KCNK2: variants seen among roughly 807,000 people sequenced by gnomAD.
KCNK2 encodes the protein potassium two pore domain channel subfamily K member 2, also known as potassium channel subfamily K member 2.
KCNK2 carries 21 observed loss-of-function variants against 40.5 expected under a neutral mutation model. The observed-to-expected ratio is 0.52, with a 90% CI of 0.37 to 0.75. KCNK2 has a LOEUF of 0.75. KCNK2 is among the 30% of genes least tolerant of loss of function. The pLI, the probability that KCNK2 is intolerant of heterozygous loss-of-function variation, is 0.00. For synonymous variants in KCNK2, 191 were observed against 202.2 expected (o/e 0.94, Z 0.47); for missense variants, 399 against 531.6 (o/e 0.75, Z 2.45).
In KCNK2 at chr1:215,234,984, A is replaced by T; in HGVS notation, c.1120A>T (p.Asn374Tyr). The T allele has an allele frequency of 6.2e-7, 1 of 1,614,036 alleles. No individual in the cohort carries two copies. The highest frequency in any genetic ancestry group is 8.5e-7 in the Non-Finnish European group (1 of 1,179,988). Residue 374 changes from asparagine to tyrosine, a missense_variant, in exon 7 of 7, where the codon AAT becomes TAT. Asn to Tyr is a moderately radical substitution (Grantham distance 143). Around this residue, in one of 3 missense-constraint regions of KCNK2, gnomAD observed 103 missense variants for 124.3 expected, o/e 0.83. Coordinates refer to ENST00000444842, the MANE Select transcript of KCNK2 (RefSeq NM_001017425.3). ...CTCGGCAGAACTGGCTGGAAACCAC[A>T]ATCAGGAGCTGACTCCTTGTAGGAG... is the stretch of plus-strand genomic sequence containing the variant. ...KLSAELAGNH[N>Y]QELTPCRRTL...
At chr1:215,022,226 C>G (rs1656831051) in intron 1 of KCNK2, among the ~76,000 whole-genome samples, 1 of 151,990 alleles carries the variant, frequency 6.6e-6, no homozygotes, top group African/African-American at 2.4e-5. Context: ...GTTTCAAGGT[C>G]TTTTCCAAGT....
At chr1:215,126,288 G>C (rs1661434711) in intron 3 of KCNK2, among the ~76,000 whole-genome samples, 1 of 151,824 alleles carries the variant, frequency 6.6e-6, no homozygotes, top group Non-Finnish European at 1.5e-5. Flanking sequence ...CTGATTTTTT[G>C]CCTTTTTTAA....
intron 3 of KCNK2, among the ~76,000 whole-genome samples, chr1:215,135,715 A>G (rs55777551): frequency 0.11 from 16,152 of 151,720 alleles, 2,846 homozygotes; most frequent in African/African-American, 0.36. Context: ...ATGGCCAACC[A>G]GTTATTTTTT....
At chr1:215,219,253 T>C (rs781717594) in intron 6 of KCNK2, among the ~76,000 whole-genome samples, 15 of 152,176 alleles carry the variant, frequency 9.9e-5, no homozygotes, top group Non-Finnish European at 1.8e-4. Context: ...TGTACTAGAG[T>C]TGCCCAGCAG....
intron 1 of KCNK2, among the ~76,000 whole-genome samples, chr1:215,070,588 C>A (rs999463015): frequency 2.0e-5 from 3 of 152,036 alleles, no homozygotes; most frequent in African/African-American, 7.2e-5. Flanking sequence ...CTTCATAACA[C>A]CATCAGATTT....
intron 3 of KCNK2, among the ~76,000 whole-genome samples, chr1:215,148,479 A>C (rs1179170998): frequency 6.6e-6 from 1 of 152,166 alleles, no homozygotes; most frequent in East Asian, 1.9e-4. Flanking sequence ...TAATTAGAAC[A>C]GTAGAACTAT....
chr1:215,227,766 G>A (rs1666451535), intron 6 of KCNK2, among the ~76,000 whole-genome samples: 2 of 152,054 alleles, frequency 1.3e-5, no homozygotes, highest in South Asian at 4.1e-4. Flanking sequence ...TTTGACAATA[G>A]GAATGGAAAG....
At chr1:215,222,918 C>A (rs1666239696) in intron 6 of KCNK2, among the ~76,000 whole-genome samples, 2 of 152,014 alleles carry the variant, frequency 1.3e-5, no homozygotes, top group Admixed American at 1.3e-4. Context: ...ATTATTTTTA[C>A]AAATTTAGCT....
At chr1:215,009,865 G>A (rs1259105538) in intron 1 of KCNK2, among the ~76,000 whole-genome samples, 1 of 152,126 alleles carries the variant, frequency 6.6e-6, no homozygotes, top group Non-Finnish European at 1.5e-5. Context: ...GACACTTCAA[G>A]AGAATGAAGT....
intron 1 of KCNK2, among the ~76,000 whole-genome samples, chr1:215,013,638 A>C (rs1656485757): frequency 6.6e-6 from 1 of 152,066 alleles, no homozygotes; most frequent in South Asian, 2.1e-4. Context: ...CGGATTTTGC[A>C]TATTTTTGTT....
chr1:215,063,556 C>T lies in KCNK2; in HGVS notation c.35-22812C>T, dbSNP rs141556525. On this transcript the variant is annotated intron_variant, in intron 1 of 6. Transcript: ENST00000391895. ...CCTGCTTTTTCAGGGAGGAACTGTG[C>T]TAACAGTAATAATACCATTAAATTC... Among the ~76,000 whole-genome samples, 331 of 152,312 alleles carry T rather than the reference C, an allele frequency of 2.2e-3. 2 individuals carry two copies. The highest frequency in any genetic ancestry group is 7.5e-3 in the African/African-American group (311 of 41,572).
At chr1:215,212,107 T>C (rs1337062149) in intron 6 of KCNK2, among the ~76,000 whole-genome samples, 2 of 152,164 alleles carry the variant, frequency 1.3e-5, no homozygotes, top group Non-Finnish European at 2.9e-5. Context: ...AAGTTTGATG[T>C]ATCAAACAAG....
intron 1 of KCNK2, among the ~76,000 whole-genome samples, chr1:215,050,922 A>G (rs1657964632): frequency 6.6e-6 from 1 of 152,182 alleles, no homozygotes; most frequent in Non-Finnish European, 1.5e-5. Context: ...TGTCACAGTA[A>G]TAGGTTGTTA....
intron 3 of KCNK2, among the ~76,000 whole-genome samples, chr1:215,147,978 C>A (rs1381750776): frequency 6.6e-6 from 1 of 151,700 alleles, no homozygotes; most frequent in African/African-American, 2.4e-5. Context: ...ACTTTCAACT[C>A]TTTTGCCCTG....
intron 3 of KCNK2, among the ~76,000 whole-genome samples, chr1:215,136,387 C>T (rs1474401320): frequency 6.6e-6 from 1 of 152,164 alleles, no homozygotes; most frequent in African/African-American, 2.4e-5. Context: ...TGTGAGCCAC[C>T]ATGCCTGGCC....
chr1:215,126,668 A>G lies in KCNK2; in HGVS notation c.475+1918A>G, dbSNP rs187157892. On this transcript the variant is annotated intron_variant, in intron 3 of 6. Coordinates refer to ENST00000444842, the MANE Select transcript of KCNK2 (RefSeq NM_001017425.3). The stretch of plus-strand genomic sequence containing the variant: ...TCTCATTTTTTGAATCCCCTAATAC[A>G]GTAAGTTTTGCAGACATACACTTCA... Among the ~76,000 whole-genome samples the G allele has an allele frequency of 5.9e-5, 9 of 152,266 alleles. No individual in the cohort carries two copies. In the East Asian group the frequency reaches 1.7e-3, roughly 29 times the overall value.
intron 5 of KCNK2, among the ~76,000 whole-genome samples, chr1:215,178,473 A>T (rs1403577694): frequency 1.3e-5 from 2 of 152,164 alleles, no homozygotes; most frequent in Admixed American, 1.3e-4. Flanking sequence ...TTGCCCATGC[A>T]GTATGCTGTT....
intron 5 of KCNK2, among the ~76,000 whole-genome samples, chr1:215,185,556 G>T (rs1308769563): frequency 6.6e-6 from 1 of 152,114 alleles, no homozygotes; most frequent in African/African-American, 2.4e-5. Context: ...TTGCTTCTGG[G>T]TACCTTATGA....
chr1:215,181,539 T>C (rs1474747576), intron 5 of KCNK2, among the ~76,000 whole-genome samples: 1 of 152,220 alleles, frequency 6.6e-6, no homozygotes, highest in African/African-American at 2.4e-5. Flanking sequence ...TTTTTCTTTC[T>C]TTCTCTATAA....
Sources: allele counts gnomAD v4.1 joint callset (sites outside exome capture counted in the v4.1 genomes callset), GRCh38; gene constraint gnomAD v4.1.1; regional missense constraint gnomAD v4.1.1; transcripts MANE v1.5; gene names NCBI Gene and HGNC (gene_info 2026-07-23, HGNC 2026-07-21).